CTNNA2: variants seen among roughly 807,000 people sequenced by gnomAD.
The protein encoded by CTNNA2 is catenin alpha-2.
A neutral mutation model predicts 101.0 loss-of-function variants in CTNNA2; 42 were observed. The ratio of observed to expected loss-of-function variants is 0.42; its 90% CI spans 0.32 to 0.54. The LOEUF is 0.54. Among genes scored for constraint, CTNNA2 ranks in the 20% least tolerant of loss-of-function variants. The probability of loss-of-function intolerance (pLI) is 0.14; values close to 1 mark genes in which losing one functional copy is unlikely to be tolerated. For missense variants in CTNNA2, 871 were observed against 1,223.1 expected, an observed-to-expected ratio of 0.71 and a Z score of 4.29; for synonymous variants, 450 against 456.4, an observed-to-expected ratio of 0.99 and a Z score of 0.18.
intron 3 of CTNNA2, among the ~76,000 whole-genome samples, chr2:79,761,599 A>G (rs905942821): frequency 5.9e-5 from 9 of 152,168 alleles, no homozygotes; most frequent in African/African-American, 1.7e-4. Context: ...ATAAAGGAAG[A>G]AGCAGTTTGT....
At chr2:80,168,593 A>G (rs1704844856) in intron 7 of CTNNA2, among the ~76,000 whole-genome samples, 1 of 152,118 alleles carries the variant, frequency 6.6e-6, no homozygotes, top group Non-Finnish European at 1.5e-5. Context: ...ACATGGTTAG[A>G]GTGGGAGGAG....
intron 2 of CTNNA2, among the ~76,000 whole-genome samples, chr2:79,215,511 GTTTTA>G (rs1674243329): frequency 6.6e-6 from 1 of 152,132 alleles, no homozygotes; most frequent in South Asian, 2.1e-4. Context: ...AATTTTTGGA[GTTTTA>G]TTTAATGTCA....
intron 2 of CTNNA2, among the ~76,000 whole-genome samples, chr2:79,727,656 C>T (rs1686932205): frequency 6.6e-6 from 1 of 151,168 alleles, no homozygotes; most frequent in South Asian, 2.1e-4. Context: ...ATACATGTGC[C>T]ATGCTGGTGT....
chr2:80,037,118 T>C (rs189031459), intron 7 of CTNNA2, among the ~76,000 whole-genome samples: 37 of 152,290 alleles, frequency 2.4e-4, no homozygotes, highest in Admixed American at 2.6e-4. Context: ...TGGACCAGTT[T>C]CTCTTTTGCT....
chr2:80,000,835 G>T (rs1304259337), intron 7 of CTNNA2, among the ~76,000 whole-genome samples: 6 of 152,198 alleles, frequency 3.9e-5, no homozygotes, highest in Non-Finnish European at 8.8e-5. Flanking sequence ...TTAGGCTGAG[G>T]TTGAAGAGAA....
chr2:79,982,354 T>G (rs1691410168), intron 7 of CTNNA2, among the ~76,000 whole-genome samples: 1 of 120,164 alleles, frequency 8.3e-6, no homozygotes, highest in African/African-American at 3.3e-5. Context: ...ATAACCTATA[T>G]AACCTATATA....
chr2:80,640,597 G>A (rs74331632), intron 18 of CTNNA2, among the ~76,000 whole-genome samples: 4,453 of 152,252 alleles, frequency 0.029, 96 homozygotes, highest in Middle Eastern at 0.061. Flanking sequence ...GAAAATGTAC[G>A]CAGGTATTTC....
At chr2:80,046,766 G>A (rs1696557405) in intron 7 of CTNNA2, among the ~76,000 whole-genome samples, 1 of 152,112 alleles carries the variant, frequency 6.6e-6, no homozygotes, top group South Asian at 2.1e-4. Flanking sequence ...CACTTTACAG[G>A]ATGTACATTT....
intron 7 of CTNNA2, among the ~76,000 whole-genome samples, chr2:80,001,063 T>A (rs987537933): frequency 6.6e-6 from 1 of 152,246 alleles, no homozygotes; most frequent in South Asian, 2.1e-4. Context: ...CCTTTACTTG[T>A]GGCTTGTTCC....
At chr2:80,525,226 C>T (rs1689929740) in intron 9 of CTNNA2, among the ~76,000 whole-genome samples, 1 of 151,442 alleles carries the variant, frequency 6.6e-6, no homozygotes. Flanking sequence ...GCAATTTTTG[C>T]TACCCTGCCT....
chr2:79,902,586 C>G (rs1460763644), intron 6 of CTNNA2, among the ~76,000 whole-genome samples: 5 of 151,990 alleles, frequency 3.3e-5, no homozygotes, highest in African/African-American at 1.2e-4. Flanking sequence ...CATCTGTTAT[C>G]TTTCACAGTT....
intron 7 of CTNNA2, among the ~76,000 whole-genome samples, chr2:80,013,674 C>T (rs1242886153): frequency 6.6e-6 from 1 of 152,194 alleles, no homozygotes; most frequent in Middle Eastern, 3.2e-3. Context: ...AGTCATTTCA[C>T]CAGGAAAAAT....
intron 18 of CTNNA2, among the ~76,000 whole-genome samples, chr2:80,621,603 G>A (rs1355266973): frequency 1.3e-5 from 2 of 151,780 alleles, no homozygotes; most frequent in Non-Finnish European, 2.9e-5. Context: ...CTAATTATTG[G>A]GGATGTAAAA....
At chr2:79,238,986 A>G in intron 2 of CTNNA2, among the ~76,000 whole-genome samples, 1 of 152,312 alleles carries the variant, frequency 6.6e-6, no homozygotes, top group East Asian at 1.9e-4. Flanking sequence ...GTTCCAGGGT[A>G]CATGTACAGG....
chr2:79,870,342 C>T (rs998503794), intron 5 of CTNNA2, among the ~76,000 whole-genome samples: 3 of 152,152 alleles, frequency 2.0e-5, no homozygotes, highest in African/African-American at 7.2e-5. Flanking sequence ...CACATATACA[C>T]TCCCAGGATA....
chr2:80,216,915 G>T (rs1472605225), intron 7 of CTNNA2, among the ~76,000 whole-genome samples: 1 of 147,090 alleles, frequency 6.8e-6, no homozygotes, highest in Non-Finnish European at 1.5e-5. Flanking sequence ...TCGGCTTACT[G>T]CATCTTGTGC....
intron 9 of CTNNA2, among the ~76,000 whole-genome samples, chr2:80,485,245 G>A (rs1289240515): frequency 1.3e-5 from 2 of 152,024 alleles, no homozygotes; most frequent in East Asian, 3.8e-4. Flanking sequence ...TTTGTTTTTG[G>A]AAGTTAAGTG....
intron 9 of CTNNA2, among the ~76,000 whole-genome samples, chr2:80,523,465 C>T (rs150618216): frequency 1.3e-5 from 2 of 152,166 alleles, no homozygotes; most frequent in Non-Finnish European, 2.9e-5. Context: ...GTTAGGCCTG[C>T]GTGAAGAGAA....
chr2:79,682,183 C>T (rs1210284035), intron 2 of CTNNA2, among the ~76,000 whole-genome samples: 3 of 151,774 alleles, frequency 2.0e-5, no homozygotes, highest in East Asian at 2.0e-4. Flanking sequence ...CCGAGGCAGG[C>T]GGATCACGAG....
Sources: allele counts gnomAD v4.1 joint callset (sites outside exome capture counted in the v4.1 genomes callset), GRCh38; gene constraint gnomAD v4.1.1; transcripts MANE v1.5; gene names NCBI Gene and HGNC (gene_info 2026-07-23, HGNC 2026-07-21).